The following NBAS variants were observed in gnomAD, a reference collection of about 807,000 sequenced individuals.
The protein encoded by NBAS is NBAS subunit of NRZ tethering complex, also known as NAG/BC035112 fusion.
Under a neutral mutation model 302.5 loss-of-function variants are expected in NBAS, and 219 were observed. That is an observed-to-expected ratio of 0.72 (90% CI 0.65 to 0.81). The LOEUF is 0.81. NBAS is among the 30% of genes least tolerant of loss of function. The pLI is 0.00. For missense variants in NBAS, 2,932 were observed against 2,841.6 expected, an observed-to-expected ratio of 1.03 and a Z score of -0.72; for synonymous variants, 1,118 against 1,021.6, an observed-to-expected ratio of 1.09 and a Z score of -1.80.
intron 47 of NBAS, among the ~76,000 whole-genome samples, chr2:15,231,542 T>C (rs530869315): frequency 2.0e-5 from 3 of 152,164 alleles, no homozygotes; most frequent in African/African-American, 4.8e-5. Context: ...CAACAACATA[T>C]ACAGCCGTTA....
the NBAS span, among the ~76,000 whole-genome samples, chr2:14,801,851 C>T: frequency 6.6e-6 from 1 of 151,218 alleles, no homozygotes; most frequent in Non-Finnish European, 1.5e-5. Flanking sequence ...TGTCCTTCGC[C>T]CACTTTTTGA....
At chr2:14,853,585 T>C in the NBAS span, among the ~76,000 whole-genome samples, 1 of 83,272 alleles carries the variant, frequency 1.2e-5, no homozygotes, top group Non-Finnish European at 2.2e-5. Flanking sequence ...TATACCCAAA[T>C]GACTATAAAT....
At chr2:14,784,077 G>A in the NBAS span, among the ~76,000 whole-genome samples, 203 of 152,082 alleles carry the variant, frequency 1.3e-3, 1 homozygote, top group African/African-American at 4.5e-3. Context: ...GCCAGTGATG[G>A]TGAGCATTTT....
the NBAS span, among the ~76,000 whole-genome samples, chr2:14,796,946 C>T: frequency 1.6e-5 from 2 of 122,104 alleles, no homozygotes; most frequent in African/African-American, 3.2e-5. Flanking sequence ...AAAAATTAGC[C>T]GGGCATGGTG....
intron 11 of NBAS, among the ~76,000 whole-genome samples, chr2:15,498,221 A>C (rs930050653): frequency 6.6e-6 from 1 of 152,254 alleles, no homozygotes; most frequent in African/African-American, 2.4e-5. Flanking sequence ...TGTAGTATCA[A>C]ACTACCACAG....
the NBAS span, among the ~76,000 whole-genome samples, chr2:15,094,819 G>A: frequency 5.3e-5 from 8 of 152,252 alleles, no homozygotes; most frequent in African/African-American, 1.9e-4. Flanking sequence ...GGAAGCCGAC[G>A]GGGTCTCAGC....
At chr2:14,960,362 T>C in the NBAS span, among the ~76,000 whole-genome samples, 3 of 152,358 alleles carry the variant, frequency 2.0e-5, no homozygotes, top group South Asian at 6.2e-4. Context: ...ACAGCCCAGT[T>C]TATGAGACAC....
intron 6 of NBAS, among the ~76,000 whole-genome samples, chr2:15,545,840 A>G (rs138284913): frequency 2.0e-5 from 3 of 152,364 alleles, no homozygotes; most frequent in Admixed American, 2.0e-4. Flanking sequence ...CAAAAGAGCA[A>G]TCTAAATACC....
At chr2:14,908,430 C>G in the NBAS span, among the ~76,000 whole-genome samples, 1 of 152,116 alleles carries the variant, frequency 6.6e-6, no homozygotes, top group East Asian at 1.9e-4. Context: ...GAAAAGCATC[C>G]GAGCTTCTGA....
chr2:15,012,761 A>C, the NBAS span, among the ~76,000 whole-genome samples: 3 of 152,240 alleles, frequency 2.0e-5, no homozygotes, highest in Non-Finnish European at 4.4e-5. Context: ...ATGTACTGAA[A>C]GAAAAAGAAA....
chr2:15,048,503 G>A, the NBAS span, among the ~76,000 whole-genome samples: 2 of 152,202 alleles, frequency 1.3e-5, no homozygotes, highest in Non-Finnish European at 2.9e-5. Flanking sequence ...GGCTTTGCCT[G>A]GGAAGACACT....
At chr2:14,821,861 C>CA in the NBAS span, among the ~76,000 whole-genome samples, 2,495 of 145,386 alleles carry the variant, frequency 0.017, 48 homozygotes, top group African/African-American at 0.052. Context: ...AAATACAAAA[C>CA]AAAAAAAAAA....
rs551262311 is a variant in NBAS, at chr2:15,506,183, A to G, written c.886-1970T>C. On this transcript the variant is annotated intron_variant, in intron 10 of 51. Transcript: ENST00000281513. Reference sequence around the variant, plus strand: ...TTTGGATTGCCAGAGAATCTGAAGAAGATAAACAAAACCAAAGTACAGAAT... The same window carrying G: ...TTTGGATTGCCAGAGAATCTGAAGAGGATAAACAAAACCAAAGTACAGAAT... Among the ~76,000 whole-genome samples the G allele has an allele frequency of 5.9e-5, 9 of 152,242 alleles. No homozygotes were observed. In the South Asian group the frequency reaches 1.0e-3, roughly 18 times the overall value.
At chr2:15,363,780 T>A (rs1420313934) in intron 32 of NBAS, among the ~76,000 whole-genome samples, 1 of 152,202 alleles carries the variant, frequency 6.6e-6, no homozygotes, top group East Asian at 1.9e-4. Context: ...CTGTTTTTAA[T>A]TCAAGACAAT....
rs1371477346 is a variant in NBAS at position 15,353,703 on chromosome 2, A to G, written c.3939T>C (p.Pro1313=). The stretch of plus-strand genomic sequence containing the variant: ...ACTGGCTACAAACATCCCAACTTTT[A>G]GGATAACCTGCAAAATTGGCAAGGA... ...HCQELMATGY[P]KSWDVCSQLG... is the part of the protein sequence containing the mutation. Residue 1313 remains proline, a synonymous_variant, in exon 34 of 52, where the codon CCT becomes CCC. Transcript: ENST00000281513. The G allele has an allele frequency of 1.9e-6, 3 of 1,614,032 alleles. No individual in the cohort carries two copies. Among genetic ancestry groups the G allele is most frequent in the African/African-American group, 1.3e-5 (1 of 75,044 alleles).
chr2:14,782,862 A>G, the NBAS span, among the ~76,000 whole-genome samples: 2 of 152,210 alleles, frequency 1.3e-5, no homozygotes, highest in Non-Finnish European at 2.9e-5. Flanking sequence ...AAGAACAGAA[A>G]ACCAAATACC....
At chr2:14,949,676 T>C in the NBAS span, among the ~76,000 whole-genome samples, 1 of 152,288 alleles carries the variant, frequency 6.6e-6, no homozygotes, top group African/African-American at 2.4e-5. Flanking sequence ...TGTGTATAGA[T>C]ATAGATATAG....
At chr2:14,967,900 C>T in the NBAS span, among the ~76,000 whole-genome samples, 21 of 152,278 alleles carry the variant, frequency 1.4e-4, no homozygotes, top group African/African-American at 3.6e-4. Flanking sequence ...TCTTCCCCCA[C>T]ATCTGGGCAA....
the NBAS span, among the ~76,000 whole-genome samples, chr2:14,792,856 G>C: frequency 6.6e-6 from 1 of 152,118 alleles, no homozygotes; most frequent in Non-Finnish European, 1.5e-5. Flanking sequence ...TATCTGACTA[G>C]AGTTTTAAAG....
Sources: allele counts gnomAD v4.1 joint callset (sites outside exome capture counted in the v4.1 genomes callset), GRCh38; gene constraint gnomAD v4.1.1; transcripts MANE v1.5; gene names NCBI Gene and HGNC (gene_info 2026-07-23, HGNC 2026-07-21).